Variants in PPP2R5E observed in about 807,000 individuals in gnomAD.
PPP2R5E encodes protein phosphatase 2 regulatory subunit B'epsilon.
A neutral mutation model predicts 65.3 loss-of-function variants in PPP2R5E; 4 were observed. That is an observed-to-expected ratio of 0.06 (90% CI 0.03 to 0.14). The LOEUF is 0.14. Ranked by LOEUF, PPP2R5E falls within the 10% of genes least tolerant of loss-of-function variation. The pLI is 1.00. For synonymous variants in PPP2R5E, 183 were observed against 187.4 expected, an observed-to-expected ratio of 0.98 and a Z score of 0.19; for missense variants, 274 against 556.1, an observed-to-expected ratio of 0.49 and a Z score of 5.10.
chr14:63,489,416 CTTT>C (rs200892473), intron 2 of PPP2R5E, among the ~76,000 whole-genome samples: 4 of 141,894 alleles, frequency 2.8e-5, no homozygotes, highest in East Asian at 2.0e-4. Flanking sequence ...TTGTTGTTTT[CTTT>C]TTTTTTTTTT....
chr14:63,485,699 A>G (rs1339268886), intron 2 of PPP2R5E, among the ~76,000 whole-genome samples: 1 of 150,392 alleles, frequency 6.6e-6, no homozygotes, highest in Non-Finnish European at 1.5e-5. Context: ...CAGGCATGAG[A>G]CACCGCGCCC....
intron 3 of PPP2R5E, among the ~76,000 whole-genome samples, chr14:63,430,421 G>GCATA (rs1173499980): frequency 4.9e-5 from 7 of 144,170 alleles, no homozygotes; most frequent in South Asian, 2.2e-4. Flanking sequence ...ATACATACAT[G>GCATA]CATACATACA....
At chr14:63,484,345 T>TCACACA (rs1239784741) in intron 2 of PPP2R5E, among the ~76,000 whole-genome samples, 63 of 124,348 alleles carry the variant, frequency 5.1e-4, no homozygotes, top group African/African-American at 7.9e-4. Flanking sequence ...TCTCTCTCTC[T>TCACACA]CTCACACACA....
intron 2 of PPP2R5E, among the ~76,000 whole-genome samples, chr14:63,494,546 TAA>T (rs80245799): frequency 2.1e-4 from 30 of 141,758 alleles, no homozygotes; most frequent in East Asian, 2.0e-4. Context: ...TACAGCCATT[TAA>T]AAAAAAAAAA....
chr14:63,456,968 A>C (rs377547618), intron 2 of PPP2R5E, among the ~76,000 whole-genome samples: 1 of 152,258 alleles, frequency 6.6e-6, no homozygotes, highest in Non-Finnish European at 1.5e-5. Flanking sequence ...TACCTTCATT[A>C]AATTAAAAAA....
chr14:63,464,700 C>A (rs974318704), intron 2 of PPP2R5E, among the ~76,000 whole-genome samples: 1 of 152,144 alleles, frequency 6.6e-6, no homozygotes, highest in Non-Finnish European at 1.5e-5. Flanking sequence ...CTTCTCTGAG[C>A]ATTAGTTTCC....
chr14:63,449,315 G>A (rs979936157), intron 3 of PPP2R5E, among the ~76,000 whole-genome samples: 1 of 152,204 alleles, frequency 6.6e-6, no homozygotes, highest in African/African-American at 2.4e-5. Flanking sequence ...AGTATTTTAA[G>A]TACAAAGAAG....
At chr14:63,419,288 AT>A in intron 4 of PPP2R5E, among the ~76,000 whole-genome samples, 1 of 152,176 alleles carries the variant, frequency 6.6e-6, no homozygotes, top group Non-Finnish European at 1.5e-5. Flanking sequence ...CCCGTCAGGT[AT>A]TTATACTTTC....
chr14:63,381,971 G>T, intron 13 of PPP2R5E, 85 bp downstream of exon 13: 1 of 1,035,048 alleles, frequency 9.7e-7, no homozygotes, highest in Non-Finnish European at 1.4e-6. Flanking sequence ...TAAGATTTGG[G>T]GTACAATTAG....
chr14:63,403,387 CAAAAAAAAA>C (rs35226807), intron 5 of PPP2R5E, among the ~76,000 whole-genome samples: 1 of 79,278 alleles, frequency 1.3e-5, no homozygotes, highest in Admixed American at 1.6e-4. Flanking sequence ...GAGTCTGTCT[CAAAAAAAAA>C]AAAAAAAAAA....
At chr14:63,423,562 G>C (rs1413165802) in intron 3 of PPP2R5E, among the ~76,000 whole-genome samples, 3 of 152,116 alleles carry the variant, frequency 2.0e-5, no homozygotes, top group African/African-American at 7.2e-5. Flanking sequence ...GGGAGGGACA[G>C]GAGAACATGC....
chr14:63,505,259 C>T (rs1892102961), intron 2 of PPP2R5E, among the ~76,000 whole-genome samples: 1 of 152,138 alleles, frequency 6.6e-6, no homozygotes, highest in African/African-American at 2.4e-5. Flanking sequence ...TGCACTCCAG[C>T]CTGGAGGAAA....
rs1205129109 is a variant in PPP2R5E, at chr14:63,421,979, G to A, written c.456+14C>T. Reference sequence around the variant, plus strand: ...ATGGAGTTTTCTTTTATAACAAATGGTATTTCAAAGTACCTGTAAGTGTGG... The same window carrying A: ...ATGGAGTTTTCTTTTATAACAAATGATATTTCAAAGTACCTGTAAGTGTGG... On this transcript the variant is annotated intron_variant, in intron 4 of 13. Transcript: ENST00000337537. 3.2e-6 allele frequency: 5 copies of A among 1,572,566 alleles called. No individual in the cohort carries two copies. The highest frequency in any genetic ancestry group is 2.7e-5 in the African/African-American group (2 of 73,916).
At chr14:63,470,158 A>G (rs1403402345) in intron 2 of PPP2R5E, among the ~76,000 whole-genome samples, 3 of 151,784 alleles carry the variant, frequency 2.0e-5, no homozygotes, top group African/African-American at 7.3e-5. Context: ...TGTAGCCTCG[A>G]CCTCCCTGGC....
intron 3 of PPP2R5E, among the ~76,000 whole-genome samples, chr14:63,425,165 C>T (rs1355323640): frequency 1.3e-5 from 2 of 152,090 alleles, no homozygotes; most frequent in Non-Finnish European, 1.5e-5. Context: ...GCCTAGATGA[C>T]AGAAAAAAAT....
At chr14:63,524,086 A>AT (rs1211753202) in intron 2 of PPP2R5E, among the ~76,000 whole-genome samples, 2 of 152,128 alleles carry the variant, frequency 1.3e-5, no homozygotes, top group Non-Finnish European at 2.9e-5. Flanking sequence ...AGAAGACAGT[A>AT]TTTTTCCTGA....
At chr14:63,539,074 AC>A (rs895478079) in intron 2 of PPP2R5E, among the ~76,000 whole-genome samples, 4 of 152,030 alleles carry the variant, frequency 2.6e-5, no homozygotes, top group Admixed American at 6.5e-5. Context: ...CTATAAATGG[AC>A]CATTTTTTTC....
chr14:63,506,378 G>A (rs950422579), intron 2 of PPP2R5E, among the ~76,000 whole-genome samples: 3 of 152,156 alleles, frequency 2.0e-5, no homozygotes, highest in Admixed American at 6.5e-5. Flanking sequence ...GTGAACCCGG[G>A]AGGCGGACCT....
intron 2 of PPP2R5E, among the ~76,000 whole-genome samples, chr14:63,502,432 C>T (rs189836735): frequency 4.2e-4 from 64 of 152,240 alleles, no homozygotes; most frequent in African/African-American, 1.5e-3. Context: ...AATCCCAGAA[C>T]TTTAGGAGGC....
Sources: gnomAD v4.1 joint callset for allele counts (sites outside exome capture counted in the v4.1 genomes callset) on GRCh38, gnomAD v4.1.1 for gene constraint, MANE v1.5 for transcripts, NCBI Gene and HGNC (gene_info 2026-07-23, HGNC 2026-07-21) for gene names.